COL6A5: variants seen among roughly 807,000 people sequenced by gnomAD.
COL6A5 encodes the protein collagen alpha-5(VI) chain.
COL6A5 carries 48 observed loss-of-function variants against 65.6 expected under a neutral mutation model. The ratio of observed to expected loss-of-function variants is 0.73; its 90% CI spans 0.58 to 0.93. COL6A5 has a LOEUF of 0.93. COL6A5 is among the 40% of genes least tolerant of loss of function. The pLI, the probability that COL6A5 is intolerant of heterozygous loss-of-function variation, is 0.00. For missense variants in COL6A5, 914 were observed against 928.3 expected (o/e 0.98, Z 0.20); for synonymous variants, 291 against 322.8 (o/e 0.90, Z 1.05).
chr3:130,438,528 C>G (rs1709093088), intron 1 of COL6A5, among the ~76,000 whole-genome samples: 1 of 152,082 alleles, frequency 6.6e-6, no homozygotes, highest in Non-Finnish European at 1.5e-5. Flanking sequence ...CAAAATAACA[C>G]CCAAAGCATC....
intron 4 of COL6A5, among the ~76,000 whole-genome samples, chr3:130,448,526 G>C (rs1034232933): frequency 1.3e-5 from 2 of 151,946 alleles, no homozygotes; most frequent in Non-Finnish European, 2.9e-5. Context: ...ATTGTTTATC[G>C]ACCACCATTC....
chr3:130,449,913 C>A (rs562816697), intron 4 of COL6A5, among the ~76,000 whole-genome samples: 1 of 152,176 alleles, frequency 6.6e-6, no homozygotes, highest in African/African-American at 2.4e-5. Flanking sequence ...GATGCTCTAC[C>A]TAACACCAGG....
chr3:130,402,779 CTTTA>C (rs1936858622), intron 12 of COL6A5, among the ~76,000 whole-genome samples: 1 of 152,040 alleles, frequency 6.6e-6, no homozygotes, highest in South Asian at 2.1e-4. Flanking sequence ...TATAAAGTTA[CTTTA>C]TAACAATTAA....
At position 130,406,022 on chromosome 3, in the gene COL6A5, A is replaced by G; in HGVS notation, c.4380+3A>G. The G allele has an allele frequency of 6.4e-7, 1 of 1,551,342 alleles. No homozygotes were observed. The highest frequency in any genetic ancestry group is 1.2e-5 in the South Asian group (1 of 84,050). On this transcript the variant is annotated splice_donor_region_variant and intron_variant and NMD_transcript_variant, in intron 15 of 41. Coordinates refer to the COL6A5 transcript ENST00000312481. ...TCAAAGGATTTTCTGGACCTAAGGT[A>G]CTGGAGTTTTTTCTTAGTTTAATTT...
chr3:130,361,028 C>T (rs1935087084), intron 1 of COL6A5, among the ~76,000 whole-genome samples: 1 of 151,912 alleles, frequency 6.6e-6, no homozygotes, highest in South Asian at 2.1e-4. Flanking sequence ...GAGGCCTCCC[C>T]TGCTATCAAT....
intron 12 of COL6A5, among the ~76,000 whole-genome samples, chr3:130,403,107 A>G (rs1936868973): frequency 6.6e-6 from 1 of 152,150 alleles, no homozygotes; most frequent in African/African-American, 2.4e-5. Context: ...CTCAAATGAA[A>G]TGTTTGCCAC....
intron 1 of COL6A5, among the ~76,000 whole-genome samples, chr3:130,352,206 A>G (rs749966271): frequency 3.3e-5 from 5 of 152,154 alleles, no homozygotes; most frequent in Non-Finnish European, 5.9e-5. Flanking sequence ...TACCTAATGT[A>G]AATGATGAGT....
In COL6A5 at chr3:130,379,627, A is replaced by C. The variant is rs1303560353; in HGVS notation, c.877A>C (p.Thr293Pro). The C allele has an allele frequency of 5.2e-6, 8 of 1,551,484 alleles. No individual in the cohort carries two copies. In the Admixed American group the frequency reaches 1.4e-4, roughly 27 times the overall value. ...GACTATTTCTTTTCTTAAATCAAGC[A>C]CAACCCAATCTGAATTTCAGCAGCA... The change falls in exon 4 of 42, where the codon ACA (threonine) becomes CCA (proline). Residue 293 changes from threonine to proline, a missense_variant and NMD_transcript_variant. Coordinates refer to the COL6A5 transcript ENST00000312481.
chr3:130,469,350 A>T (rs1709894389), exon 6 of COL6A5: 1 of 1,612,978 alleles, frequency 6.2e-7, no homozygotes, highest in Non-Finnish European at 8.5e-7. Context: ...GGCCCTAAAC[A>T]CAATGACAAA....
At chr3:130,376,937 A>G (rs748582738) in intron 3 of COL6A5, 101 bp downstream of exon 3, 3 of 1,312,896 alleles carry the variant, frequency 2.3e-6, no homozygotes, top group Admixed American at 5.6e-5. Flanking sequence ...ATGATTAGCC[A>G]TGTTGAAGTA....
At chr3:130,390,546 G>A (rs946232150) in intron 6 of COL6A5, among the ~76,000 whole-genome samples, 7 of 152,148 alleles carry the variant, frequency 4.6e-5, no homozygotes, top group Admixed American at 2.0e-4. Flanking sequence ...CTTACAATGT[G>A]GAGGAGGGTT....
intron 13 of COL6A5, among the ~76,000 whole-genome samples, chr3:130,404,235 C>G (rs1936912522): frequency 6.6e-6 from 1 of 152,212 alleles, no homozygotes; most frequent in Non-Finnish European, 1.5e-5. Flanking sequence ...CTCACTTTCT[C>G]ATCAATCAAA....
At chr3:130,451,593 A>G (rs1709438033) in intron 4 of COL6A5, among the ~76,000 whole-genome samples, 1 of 151,996 alleles carries the variant, frequency 6.6e-6, no homozygotes, top group East Asian at 1.9e-4. Flanking sequence ...GAGATTTGAG[A>G]AGAGAATAAT....
intron 11 of COL6A5, 117 bp downstream of exon 11, chr3:130,401,290 C>A: frequency 1.1e-6 from 1 of 877,218 alleles, no homozygotes; most frequent in Non-Finnish European, 1.7e-6. Flanking sequence ...AGTGCTTTGT[C>A]CTTAGTATAT....
At chr3:130,424,148 A>C (rs1414113349) in intron 29 of COL6A5, among the ~76,000 whole-genome samples, 3 of 152,090 alleles carry the variant, frequency 2.0e-5, no homozygotes, top group African/African-American at 7.2e-5. Flanking sequence ...TGTAAACTGT[A>C]AGGTTTACAA....
At chr3:130,483,313 T>A (rs1710296765) in intron 7 of COL6A5, among the ~76,000 whole-genome samples, 1 of 152,138 alleles carries the variant, frequency 6.6e-6, no homozygotes, top group Non-Finnish European at 1.5e-5. Context: ...AGAAGCTGTG[T>A]CAACTAATGG....
rs549217197 is a variant in COL6A5 at position 130,468,872 on chromosome 3, A to G, written c.1624A>G (p.Met542Val). The G allele has an allele frequency of 4.3e-5, 69 of 1,611,912 alleles. No homozygotes were observed. The South Asian group carries it at 7.4e-4, about 17-fold the overall frequency. Residue 542 changes from methionine to valine, a missense_variant, in exon 6 of 8, where the codon ATG becomes GTG. By Grantham distance (21) the Met-to-Val change is conservative. Transcript: ENST00000512836. Reference sequence around the variant, plus strand: ...AGATGTCTCTCTTCAAGAATATTACATGGATGTGGCTTTCCTCATAGATGC... The same window carrying G: ...AGATGTCTCTCTTCAAGAATATTACGTGGATGTGGCTTTCCTCATAGATGC...
chr3:130,395,174 A>T, exon 8 of COL6A5: 1 of 1,551,720 alleles, frequency 6.4e-7, no homozygotes. Context: ...AAAAGTGAGC[A>T]ATATGTTTAA....
chr3:130,355,228 ATAAACT>A (rs1419893491), intron 1 of COL6A5, among the ~76,000 whole-genome samples: 2 of 152,124 alleles, frequency 1.3e-5, no homozygotes, highest in Non-Finnish European at 2.9e-5. Flanking sequence ...AAATTTTAAA[ATAAACT>A]TGAAATAACT....
Sources: gnomAD v4.1 joint callset for allele counts (sites outside exome capture counted in the v4.1 genomes callset) on GRCh38, gnomAD v4.1.1 for gene constraint, MANE v1.5 for transcripts, NCBI Gene and HGNC (gene_info 2026-07-23, HGNC 2026-07-21) for gene names.